Variants in CD1D observed in about 807,000 individuals in gnomAD.
The protein encoded by CD1D is antigen-presenting glycoprotein CD1d.
In CD1D, 40 loss-of-function variants were observed where a neutral mutation model predicts 42.1. That is an observed-to-expected ratio of 0.95 (90% CI 0.74 to 1.24). The LOEUF is 1.24. Among genes scored for constraint, CD1D ranks in the 50% most tolerant of loss-of-function variants. The pLI, the probability that CD1D is intolerant of heterozygous loss-of-function variation, is 0.00. For missense variants in CD1D, 437 were observed against 416.5 expected (o/e 1.05, Z -0.43); for synonymous variants, 178 against 171.8 (o/e 1.04, Z -0.28).
At position 158,180,897 on chromosome 1, in the gene CD1D, A is replaced by C. The variant is rs1437047909; in HGVS notation, c.-205A>C. 7 of 443,448 alleles carry C rather than the reference A, an allele frequency of 1.6e-5. No individual in the cohort carries two copies. Among genetic ancestry groups the C allele is most frequent in the Non-Finnish European group, 2.8e-5 (7 of 252,178 alleles). The allele number at this position is 443,448 out of a possible 1,614,324, so 27.5% of individuals were successfully genotyped here. ...ATTCCTGGGACCCCGACCTCTTTGC[A>C]GCTCGCACAGCTAAGGGCGAGGGCG... On this transcript the variant is annotated 5_prime_UTR_variant, in exon 1 of 6. Transcript: ENST00000674085.
At position 158,182,022 on chromosome 1, in the gene CD1D, C is replaced by T; in HGVS notation, c.329-10C>T. ...ACCCTTCTTTGATCTTTCTCCATTC[C>T]TCTCCACAGATCCCTTGGAGCTCCA... On this transcript the variant is annotated splice_polypyrimidine_tract_variant and intron_variant, in intron 2 of 5. Coordinates refer to ENST00000674085, the MANE Select transcript of CD1D (RefSeq NM_001371762.2). 6.3e-7 allele frequency: 1 copy of T among 1,592,074 alleles called. No individual in the cohort carries two copies. Among genetic ancestry groups the T allele is most frequent in the Non-Finnish European group, 8.5e-7 (1 of 1,169,938 alleles).
chr1:158,183,274 GCC>G, intron 4 of CD1D, 118 bp downstream of exon 4: 1 of 1,231,630 alleles, frequency 8.1e-7, no homozygotes, highest in Non-Finnish European at 1.1e-6. Flanking sequence ...CAGAGATGAG[GCC>G]CCCAGTAAAA....
chr1:158,183,257 G>A, intron 4 of CD1D, 101 bp downstream of exon 4: 2 of 1,405,784 alleles, frequency 1.4e-6, no homozygotes, highest in Non-Finnish European at 1.9e-6. Flanking sequence ...CCAGGTTAGA[G>A]GAGTTTCAGA....
upstream of CD1D, among the ~76,000 whole-genome samples, chr1:158,178,834 A>T (rs1648264729): frequency 6.6e-6 from 1 of 152,202 alleles, no homozygotes; most frequent in African/African-American, 2.4e-5. Flanking sequence ...AACATATTGC[A>T]AAACGTTTCA....
upstream of CD1D, among the ~76,000 whole-genome samples, chr1:158,180,635 T>A (rs1179148272): frequency 6.6e-6 from 1 of 152,250 alleles, no homozygotes; most frequent in Admixed American, 6.5e-5. Context: ...CAAATTAAGA[T>A]CACTCATAGT....
rs1054601230 is a variant in CD1D at position 158,186,365 on chromosome 1, C to T, written c.*2215C>T. 2.0e-5 allele frequency among the ~76,000 whole-genome samples: 3 copies of T among 152,180 alleles called. No individual in the cohort carries two copies. Among genetic ancestry groups the T allele is most frequent in the East Asian group, 1.9e-4 (1 of 5,198 alleles). On this transcript the variant is annotated 3_prime_UTR_variant, in exon 6 of 6. Transcript: ENST00000674085. The stretch of plus-strand genomic sequence containing the variant: ...ATGCCTCTGCATGAATTTATGGTAG[C>T]TCTGACTCATCTTTAAACAATTTTA...
intron 5 of CD1D, 40 bp from the exon 6 acceptor site, chr1:158,184,089 C>A: frequency 6.2e-7 from 1 of 1,614,044 alleles, no homozygotes; most frequent in Non-Finnish European, 8.5e-7. Flanking sequence ...TCCTGGCTTC[C>A]CTTTTCCTTA....
Position 158,186,326 on chromosome 1 carries a change from A to G in CD1D, c.*2176A>G, listed in dbSNP as rs2101586201. On this transcript the variant is annotated 3_prime_UTR_variant, in exon 6 of 6. Transcript: ENST00000674085. ...GGCACGTGTGTTAAAGTCTCTACTG[A>G]TGTCCTTTTGGAAATGCCTCTGCAT... 6.6e-6 allele frequency among the ~76,000 whole-genome samples: 1 copy of G among 152,256 alleles called. No individual in the cohort carries two copies. Among genetic ancestry groups the G allele is most frequent in the Non-Finnish European group, 1.5e-5 (1 of 68,030 alleles).
In CD1D at chr1:158,184,437, C is replaced by T. The variant is rs1323701639; in HGVS notation, c.*287C>T. On this transcript the variant is annotated 3_prime_UTR_variant, in exon 6 of 6. Coordinates refer to ENST00000674085, the MANE Select transcript of CD1D (RefSeq NM_001371762.2). ...GTGCAAACTTGTATCTGAAGACCTA[C>T]CAGGGACAAGCAGGTAAGAGCTGAT... 1 of 497,544 alleles carries T rather than the reference C, an allele frequency of 2.0e-6. No homozygotes were observed. The highest frequency in any genetic ancestry group is 3.5e-5 in the Admixed American group (1 of 28,396). The allele number at this position is 497,544 out of a possible 1,614,324, so 30.8% of individuals were successfully genotyped here. A position where few individuals can be genotyped will look rare whatever the true frequency, so the allele number is the denominator to read the frequency against.
At chr1:158,178,734 G>A (rs564611994), upstream of CD1D, among the ~76,000 whole-genome samples, 8 of 152,208 alleles carry the variant, frequency 5.3e-5, no homozygotes, top group African/African-American at 1.9e-4. Flanking sequence ...AGTACCCACC[G>A]TGGGCTTATT....
intron 3 of CD1D, 27 bp from the exon 4 acceptor site, chr1:158,182,850 AT>A: frequency 6.4e-7 from 1 of 1,569,262 alleles, no homozygotes; most frequent in Non-Finnish European, 8.6e-7. Flanking sequence ...TCACTTTAAG[AT>A]CCCCCCCATT....
At chr1:158,178,055 T>G (rs929544374), upstream of CD1D, among the ~76,000 whole-genome samples, 1 of 152,246 alleles carries the variant, frequency 6.6e-6, no homozygotes, top group African/African-American at 2.4e-5. Context: ...CTCCTGGGAC[T>G]GGACGTCCGA....
In CD1D at chr1:158,184,319, A is replaced by C; in HGVS notation, c.*169A>C. ...GAGGCAGCTTTCATCACACCCTTTTAACATTTATCTAAAAGAATTTAAATT... is the reference window on the plus strand; with the variant it reads ...GAGGCAGCTTTCATCACACCCTTTTCACATTTATCTAAAAGAATTTAAATT... On this transcript the variant is annotated 3_prime_UTR_variant, in exon 6 of 6. Coordinates refer to ENST00000674085, the MANE Select transcript of CD1D (RefSeq NM_001371762.2). 1 of 665,736 alleles carries C rather than the reference A, an allele frequency of 1.5e-6. No individual in the cohort carries two copies. The highest frequency in any genetic ancestry group is 1.8e-5 in the South Asian group (1 of 54,668). 41.2% of individuals were successfully genotyped at this position (665,736 alleles called of 1,614,324 possible).
Position 158,184,141 on chromosome 1 carries a change from C to A in CD1D, c.999C>A (p.Gly333=). 1 of 1,614,068 alleles carries A rather than the reference C, an allele frequency of 6.2e-7. No individual in the cohort carries two copies. Among genetic ancestry groups the A allele is most frequent in the South Asian group, 1.1e-5 (1 of 91,076 alleles). Residue 333 remains glycine (G), a synonymous_variant, in exon 6 of 6, where the codon GGC becomes GGA. Coordinates refer to ENST00000674085, the MANE Select transcript of CD1D (RefSeq NM_001371762.2). Reference sequence around the variant, plus strand: ...TATTCTCTCACAGTTCCTATCAGGGCGTCCTGTGACTCGCCTTGCCACATC... The same window carrying A: ...TATTCTCTCACAGTTCCTATCAGGGAGTCCTGTGACTCGCCTTGCCACATC... ...SRFKRQTSYQ[G]VL
chr1:158,179,338 G>A (rs1053259868), upstream of CD1D, among the ~76,000 whole-genome samples: 1 of 152,168 alleles, frequency 6.6e-6, no homozygotes, highest in Non-Finnish European at 1.5e-5. Context: ...GATAGGCTGG[G>A]TTAGGGCTGT....
rs1624778 is a variant in CD1D, at chr1:158,183,661, A to G, written c.887-275A>G. On this transcript the variant is annotated intron_variant, in intron 4 of 5. Coordinates refer to ENST00000674085, the MANE Select transcript of CD1D (RefSeq NM_001371762.2). ...CTGCCCGGAGCCACATAGAAAGTGGACGGGCTGGATTTAGATTCAGGTCTG... is the reference window on the plus strand; with the variant it reads ...CTGCCCGGAGCCACATAGAAAGTGGGCGGGCTGGATTTAGATTCAGGTCTG... 5.4e-3 allele frequency among the ~76,000 whole-genome samples: 827 copies of G among 152,358 alleles called. 4 individuals are homozygous for G. Among genetic ancestry groups the G allele is most frequent in the South Asian group, 0.028 (133 of 4,830 alleles).
chr1:158,182,578 C>A, intron 3 of CD1D: 2 of 598,054 alleles, frequency 3.3e-6, no homozygotes, highest in Non-Finnish European at 5.9e-6. Flanking sequence ...TAATGCAATG[C>A]TTGAAATAGG....
Position 158,181,627 on chromosome 1 carries a change from C to T in CD1D, c.234C>T (p.Asp78=), listed in dbSNP as rs777431623. 7 of 1,614,110 alleles carry T rather than the reference C, an allele frequency of 4.3e-6. No homozygotes were observed. The Admixed American group carries it at 5.0e-5, about 12-fold the overall frequency. ...LKPWSQGTFS[D]QQWETLQHIF... is the part of the protein sequence containing the mutation. The stretch of plus-strand genomic sequence containing the variant: ...CTTGGTCCCAGGGCACGTTCAGCGA[C>T]CAGCAGTGGGAGACGCTGCAGCATA... Residue 78 remains aspartate, a synonymous_variant, in exon 2 of 6, where the codon GAC becomes GAT. Transcript: ENST00000674085.
rs977009964 is a variant in CD1D, at chr1:158,184,009, C to G, written c.960C>G (p.Gly320=). 2 of 1,614,048 alleles carry G rather than the reference C, an allele frequency of 1.2e-6. No homozygotes were observed. Among genetic ancestry groups the G allele is most frequent in the South Asian group, 1.1e-5 (1 of 91,084 alleles). The part of the protein sequence containing the change: ...LACLLFLLIV[G]FTSRFKRQTS... Reference sequence around the variant, plus strand: ...GCTTGCTGTTCCTCCTCATTGTGGGCTTTACCTCCCGGTTTAAGAGGCAAA... The same window carrying G: ...GCTTGCTGTTCCTCCTCATTGTGGGGTTTACCTCCCGGTTTAAGAGGCAAA... The change falls in exon 5 of 6, where the codon GGC becomes GGG. Residue 320 remains glycine (G), a synonymous_variant. Coordinates refer to ENST00000674085, the MANE Select transcript of CD1D (RefSeq NM_001371762.2).
Sources: gnomAD v4.1 joint callset for allele counts (sites outside exome capture counted in the v4.1 genomes callset) on GRCh38, gnomAD v4.1.1 for gene constraint, MANE v1.5 for transcripts, NCBI Gene and HGNC (gene_info 2026-07-23, HGNC 2026-07-21) for gene names.